PRKCE: variants seen among roughly 807,000 people sequenced by gnomAD.
PRKCE encodes the protein protein kinase C epsilon, also known as protein kinase C epsilon type.
PRKCE carries 16 observed loss-of-function variants against 85.4 expected under a neutral mutation model. The observed-to-expected ratio is 0.19, with a 90% CI of 0.13 to 0.28. PRKCE has a LOEUF of 0.28. Ranked by LOEUF, PRKCE falls within the 10% of genes least tolerant of loss-of-function variation. The probability of loss-of-function intolerance (pLI) is 1.00; values close to 1 mark genes in which losing one functional copy is unlikely to be tolerated. For missense variants in PRKCE, 573 were observed against 975.2 expected, an observed-to-expected ratio of 0.59 and a Z score of 5.49; for synonymous variants, 388 against 371.5, an observed-to-expected ratio of 1.04 and a Z score of -0.51.
chr2:45,671,723 A>C (rs1676169458), intron 1 of PRKCE, among the ~76,000 whole-genome samples: 1 of 152,190 alleles, frequency 6.6e-6, no homozygotes, highest in South Asian at 2.1e-4. Context: ...CTTCATTTCT[A>C]CATAAAAATA....
Position 45,877,020 on chromosome 2 carries a change from A to G in PRKCE, c.412+33957A>G, listed in dbSNP as rs775850449. Among the ~76,000 whole-genome samples, 15 of 152,368 alleles carry G rather than the reference A, an allele frequency of 9.8e-5. No individual in the cohort carries two copies. The South Asian group carries it at 2.5e-3, about 25-fold the overall frequency. On this transcript the variant is annotated intron_variant, in intron 2 of 14. Coordinates refer to ENST00000306156, the MANE Select transcript of PRKCE (RefSeq NM_005400.3). ...TTAAGTATTTATGCCTACTTATAAA[A>G]TTAAAGTTAACCAGAACTTTTACCT...
chr2:45,729,403 T>C lies in PRKCE; in HGVS notation c.348+76955T>C, dbSNP rs539748489. Reference sequence around the variant, plus strand: ...TTATTATCAAAGGGTGTGATCCTAATACGCTTATGAGACAGCCAGTGTAGA... The same window carrying C: ...TTATTATCAAAGGGTGTGATCCTAACACGCTTATGAGACAGCCAGTGTAGA... On this transcript the variant is annotated intron_variant, in intron 1 of 14. Transcript: ENST00000306156. Among the ~76,000 whole-genome samples the C allele has an allele frequency of 1.4e-4, 21 of 152,338 alleles. No homozygotes were observed. The South Asian group carries it at 4.3e-3, about 32-fold the overall frequency.
At chr2:45,715,730 GC>G (rs1680033279) in intron 1 of PRKCE, among the ~76,000 whole-genome samples, 2 of 152,330 alleles carry the variant, frequency 1.3e-5, no homozygotes, top group South Asian at 2.1e-4. Flanking sequence ...GATTCTGAGA[GC>G]CCTCTGTCTT....
intron 2 of PRKCE, among the ~76,000 whole-genome samples, chr2:45,860,224 G>C (rs1693036389): frequency 6.6e-6 from 1 of 152,254 alleles, no homozygotes; most frequent in Non-Finnish European, 1.5e-5. Context: ...ATGAATGACT[G>C]AATCAGAGGT....
intron 2 of PRKCE, among the ~76,000 whole-genome samples, chr2:45,870,758 G>T (rs1966813): frequency 0.53 from 80,293 of 152,026 alleles, 22,258 homozygotes; most frequent in East Asian, 0.91. Context: ...CTTCTTTAAT[G>T]GTTCTAAATA....
chr2:45,939,169 T>C (rs1202227321), intron 2 of PRKCE, among the ~76,000 whole-genome samples: 1 of 152,204 alleles, frequency 6.6e-6, no homozygotes, highest in Non-Finnish European at 1.5e-5. Context: ...CAGAGTCACT[T>C]GGAGGCTTCA....
At chr2:45,799,084 T>A (rs1687659726) in intron 1 of PRKCE, among the ~76,000 whole-genome samples, 1 of 151,286 alleles carries the variant, frequency 6.6e-6, no homozygotes, top group Non-Finnish European at 1.5e-5. Flanking sequence ...GAGAATGGCG[T>A]GAACCAGGGA....
At chr2:46,166,073 C>T (rs1045981587) in intron 14 of PRKCE, among the ~76,000 whole-genome samples, 10 of 152,166 alleles carry the variant, frequency 6.6e-5, no homozygotes, top group African/African-American at 1.4e-4. Context: ...TCCAGCCATC[C>T]GCGCTGCATG....
At chr2:45,759,418 G>A (rs562187467) in intron 1 of PRKCE, among the ~76,000 whole-genome samples, 1 of 152,312 alleles carries the variant, frequency 6.6e-6, no homozygotes, top group South Asian at 2.1e-4. Flanking sequence ...TCGGTGCAGG[G>A]CTGGAGAACG....
At chr2:46,120,717 TCTCTA>T (rs1192652553) in intron 11 of PRKCE, among the ~76,000 whole-genome samples, 1 of 152,176 alleles carries the variant, frequency 6.6e-6, no homozygotes, top group East Asian at 1.9e-4. Flanking sequence ...TCACTTCCTT[TCTCTA>T]CTCAACACGT....
chr2:45,779,350 T>G (rs987053974), intron 1 of PRKCE, among the ~76,000 whole-genome samples: 12 of 152,016 alleles, frequency 7.9e-5, no homozygotes, highest in Non-Finnish European at 1.3e-4. Flanking sequence ...AAAGGTGGCA[T>G]GGGAAGAGAA....
intron 6 of PRKCE, among the ~76,000 whole-genome samples, chr2:45,993,834 C>A (rs553788065): frequency 6.6e-6 from 1 of 152,254 alleles, no homozygotes; most frequent in South Asian, 2.1e-4. Flanking sequence ...GCCCGCGGAT[C>A]AGAGTTATTA....
In PRKCE at chr2:45,976,430, C is replaced by T. The variant is rs1436841435; in HGVS notation, c.414C>T (p.Ala138=). The change falls in exon 3 of 15, where the codon GCC becomes GCT. Residue 138 remains alanine, a splice_region_variant and synonymous_variant. Coordinates refer to ENST00000306156, the MANE Select transcript of PRKCE (RefSeq NM_005400.3). ...TTCCCTGCTCTTGTCCTTCCCCAGC[C>T]CCTAAAGACAATGAAGAGCGTGTGT... ...IIDLSGSSGE[A]PKDNEERVFR... 6.3e-7 allele frequency: 1 copy of T among 1,599,546 alleles called. No homozygotes were observed. The highest frequency in any genetic ancestry group is 1.1e-5 in the South Asian group (1 of 91,070).
At chr2:45,805,055 G>T (rs1688141603) in intron 1 of PRKCE, among the ~76,000 whole-genome samples, 1 of 151,184 alleles carries the variant, frequency 6.6e-6, no homozygotes, top group Non-Finnish European at 1.5e-5. Context: ...GCCAAGGAAA[G>T]GAAATATAAA....
At chr2:45,785,503 A>T (rs985515611) in intron 1 of PRKCE, among the ~76,000 whole-genome samples, 11 of 151,956 alleles carry the variant, frequency 7.2e-5, no homozygotes, top group East Asian at 1.9e-4. Context: ...AAAAGAATAA[A>T]AAAAAAAAAG....
intron 2 of PRKCE, among the ~76,000 whole-genome samples, chr2:45,914,538 AC>A (rs1048676430): frequency 1.3e-5 from 2 of 151,980 alleles, no homozygotes; most frequent in Non-Finnish European, 2.9e-5. Context: ...TGGTTTGGGA[AC>A]CAGTCCCTAC....
rs1702466858 is a variant in PRKCE, at chr2:45,976,528, A to G, written c.512A>G (p.Lys171Arg). The G allele has an allele frequency of 6.3e-7, 1 of 1,599,644 alleles. No homozygotes were observed. The highest frequency in any genetic ancestry group is 8.5e-7 in the Non-Finnish European group (1 of 1,179,972). The change falls in exon 3 of 15, where the codon AAG (lysine) becomes AGG (arginine). Residue 171 changes from lysine (K) to arginine (R), a missense_variant. This residue lies in a region of PRKCE where 29 missense variants were observed against 96.2 expected (regional missense o/e 0.30). Coordinates refer to ENST00000306156, the MANE Select transcript of PRKCE (RefSeq NM_005400.3). ...RRRVHQVNGHKFMATYLRQPT... is the reference protein window; with the variant it reads ...RRRVHQVNGHRFMATYLRQPT... ...AGGGTCCATCAGGTCAACGGCCACA[A>G]GTTCATGGCCACCTATCTTCGGCAG... is the stretch of plus-strand genomic sequence containing the variant.
At chr2:46,125,759 T>G (rs1052810878) in intron 11 of PRKCE, among the ~76,000 whole-genome samples, 2 of 152,156 alleles carry the variant, frequency 1.3e-5, no homozygotes, top group African/African-American at 4.8e-5. Context: ...CTGAGAAAAA[T>G]CAGTGTTCTG....
chr2:45,770,710 G>T (rs570970838), intron 1 of PRKCE: 8 of 152,286 alleles, frequency 5.3e-5, no homozygotes, highest in Middle Eastern at 3.4e-3. Context: ...CTCTCTAACC[G>T]TACCCTCTCT....
Sources: gnomAD v4.1 joint callset for allele counts (sites outside exome capture counted in the v4.1 genomes callset) on GRCh38, gnomAD v4.1.1 for gene constraint, gnomAD v4.1.1 regional missense constraint, MANE v1.5 for transcripts, NCBI Gene and HGNC (gene_info 2026-07-23, HGNC 2026-07-21) for gene names.